Variants in CSMD3 observed in about 807,000 individuals in gnomAD.
The protein encoded by CSMD3 is CUB and sushi domain-containing protein 3.
Under a neutral mutation model 435.2 loss-of-function variants are expected in CSMD3, and 177 were observed. That is an observed-to-expected ratio of 0.41 (90% CI 0.36 to 0.46). The LOEUF is 0.46. Among genes scored for constraint, CSMD3 ranks in the 20% least tolerant of loss-of-function variants. The pLI is 0.34. For missense variants in CSMD3, 4,265 were observed against 4,504.6 expected (o/e 0.95, Z 1.52); for synonymous variants, 1,656 against 1,520.5 (o/e 1.09, Z -2.07).
chr8:113,125,816 A>T (rs1366310092), intron 4 of CSMD3, among the ~76,000 whole-genome samples: 1 of 151,922 alleles, frequency 6.6e-6, no homozygotes, highest in East Asian at 1.9e-4. Flanking sequence ...AAGTCTGATG[A>T]GAAGGAGAGG....
intron 6 of CSMD3, among the ~76,000 whole-genome samples, chr8:113,017,179 T>C (rs2086493733): frequency 6.6e-6 from 1 of 151,992 alleles, no homozygotes; most frequent in Non-Finnish European, 1.5e-5. Context: ...ACACATCTTT[T>C]CCATTTTACT....
intron 5 of CSMD3, among the ~76,000 whole-genome samples, chr8:113,083,657 A>G (rs2089649740): frequency 6.6e-6 from 1 of 152,202 alleles, no homozygotes; most frequent in Non-Finnish European, 1.5e-5. Flanking sequence ...CAAAACAATA[A>G]GAAAACAACA....
Position 112,237,262 on chromosome 8 carries a change from T to A in CSMD3, c.10555A>T (p.Thr3519Ser), listed in dbSNP as rs1318536134. 1 of 1,613,424 alleles carries A rather than the reference T, an allele frequency of 6.2e-7. No homozygotes were observed. Among genetic ancestry groups the A allele is most frequent in the East Asian group, 2.2e-5 (1 of 44,804 alleles). The change falls in exon 67 of 71, where the codon ACT becomes TCT. Residue 3519 changes from threonine (T) to serine (S), a missense_variant. Physicochemically the swap from Thr to Ser is moderately conservative, Grantham distance 58 (BLOSUM62 1). Coordinates refer to ENST00000297405, the MANE Select transcript of CSMD3 (RefSeq NM_198123.2). ...CTCCCAGTGGAAGCATTGAAACTAG[T>A]AACTGTTAAGGTCATGGGTTGTTTC... Reference protein sequence around the residue: ...GRKQPMTLTVTSFNASTGRVN... With the variant: ...GRKQPMTLTVSSFNASTGRVN...
intron 61 of CSMD3, among the ~76,000 whole-genome samples, chr8:112,261,085 A>G (rs1270797643): frequency 6.6e-6 from 1 of 152,100 alleles, no homozygotes. Flanking sequence ...ACTTGTTAAT[A>G]TCTCTCTGAA....
rs1026216709 is a variant in CSMD3 at position 112,608,151 on chromosome 8, T to C, written c.3716-20916A>G. Reference sequence around the variant, plus strand: ...CATATAAAAATTAGTTGTGTTTCCATATACTAACAATGAACTATTCAAAAA... The same window carrying C: ...CATATAAAAATTAGTTGTGTTTCCACATACTAACAATGAACTATTCAAAAA... On this transcript the variant is annotated intron_variant, in intron 22 of 70. Coordinates refer to ENST00000297405, the MANE Select transcript of CSMD3 (RefSeq NM_198123.2). Among the ~76,000 whole-genome samples the C allele has an allele frequency of 2.0e-5, 3 of 152,196 alleles. No individual in the cohort carries two copies. The East Asian group carries it at 5.8e-4, about 29-fold the overall frequency.
At chr8:112,409,881 T>A (rs1219866302) in intron 32 of CSMD3, among the ~76,000 whole-genome samples, 32 of 151,976 alleles carry the variant, frequency 2.1e-4, no homozygotes, top group Admixed American at 2.1e-3. Context: ...ACAAAACTTA[T>A]CCTTAAAATA....
At chr8:112,975,603 C>T (rs1001755825) in intron 7 of CSMD3, among the ~76,000 whole-genome samples, 2 of 151,654 alleles carry the variant, frequency 1.3e-5, no homozygotes, top group Non-Finnish European at 2.9e-5. Flanking sequence ...CTACTTTTAC[C>T]CCCTCCCCCT....
chr8:112,535,593 T>C (rs1262089821), intron 27 of CSMD3, among the ~76,000 whole-genome samples: 51 of 147,994 alleles, frequency 3.4e-4, no homozygotes, highest in East Asian at 7.9e-4. Flanking sequence ...ATGGCCATAG[T>C]GCCCAAGGTA....
intron 13 of CSMD3, among the ~76,000 whole-genome samples, chr8:112,771,418 A>T (rs753276029): frequency 6.6e-6 from 1 of 152,074 alleles, no homozygotes; most frequent in Non-Finnish European, 1.5e-5. Flanking sequence ...AAATACCTGT[A>T]ATTCCAGCTA....
chr8:113,133,342 C>T (rs999729548), intron 4 of CSMD3, among the ~76,000 whole-genome samples: 6 of 152,068 alleles, frequency 3.9e-5, no homozygotes, highest in African/African-American at 1.4e-4. Flanking sequence ...CAGAACAATA[C>T]AAATGAAAAC....
intron 5 of CSMD3, among the ~76,000 whole-genome samples, chr8:113,078,115 A>G (rs1193969769): frequency 6.6e-6 from 1 of 152,198 alleles, no homozygotes; most frequent in Non-Finnish European, 1.5e-5. Flanking sequence ...ATGCTGGCAT[A>G]AGATGCCATT....
intron 9 of CSMD3, among the ~76,000 whole-genome samples, chr8:112,937,377 G>T (rs1236158330): frequency 7.1e-6 from 1 of 140,838 alleles, no homozygotes; most frequent in East Asian, 2.2e-4. Context: ...TTGAGACAGA[G>T]TCTCTCTCTG....
chr8:112,223,497 G>C lies in CSMD3; in HGVS notation c.*1274C>G, dbSNP rs78936410. Reference sequence around the variant, plus strand: ...ATTAAATAAAAATGCTGGCATTACTGTATGATACAGTTTAAATGAGCCACC... The same window carrying C: ...ATTAAATAAAAATGCTGGCATTACTCTATGATACAGTTTAAATGAGCCACC... On this transcript the variant is annotated 3_prime_UTR_variant, in exon 71 of 71. Coordinates refer to ENST00000297405, the MANE Select transcript of CSMD3 (RefSeq NM_198123.2). The C allele has an allele frequency of 0.018, 2,811 of 158,468 alleles. 89 individuals are homozygous for C. Among genetic ancestry groups the C allele is most frequent in the African/African-American group, 0.063 (2,626 of 41,892 alleles). 9.8% of individuals were successfully genotyped at this position (158,468 alleles called of 1,614,324 possible). A position where few individuals can be genotyped will look rare whatever the true frequency, so the allele number is the denominator to read the frequency against.
intron 10 of CSMD3, among the ~76,000 whole-genome samples, chr8:112,920,384 G>A (rs1414218113): frequency 6.6e-6 from 1 of 151,636 alleles, no homozygotes; most frequent in African/African-American, 2.4e-5. Flanking sequence ...AGGTGAAGAA[G>A]GAGTATAATA....
chr8:112,440,266 T>C (rs761060641), intron 32 of CSMD3, among the ~76,000 whole-genome samples: 6 of 152,198 alleles, frequency 3.9e-5, no homozygotes, highest in Non-Finnish European at 8.8e-5. Flanking sequence ...TATTAAACTT[T>C]AGAGTTTCAA....
At chr8:112,389,042 G>A (rs1293874989) in intron 36 of CSMD3, among the ~76,000 whole-genome samples, 1 of 152,080 alleles carries the variant, frequency 6.6e-6, no homozygotes, top group Non-Finnish European at 1.5e-5. Context: ...AGGAGTCAGG[G>A]GAGGAACAGC....
At chr8:112,341,942 T>G (rs978353238) in intron 41 of CSMD3, among the ~76,000 whole-genome samples, 1 of 152,128 alleles carries the variant, frequency 6.6e-6, no homozygotes, top group Non-Finnish European at 1.5e-5. Context: ...ATAATGTCAC[T>G]GTATGAAAAA....
At chr8:112,800,376 A>G in intron 12 of CSMD3, 102 bp from the exon 13 acceptor site, 4 of 836,308 alleles carry the variant, frequency 4.8e-6, no homozygotes, top group Non-Finnish European at 8.2e-6. Flanking sequence ...TTTGCTAGAA[A>G]AAAAAGTCAG....
chr8:113,183,019 GT>G (rs1416629454), intron 3 of CSMD3, among the ~76,000 whole-genome samples: 1 of 152,002 alleles, frequency 6.6e-6, no homozygotes, highest in Non-Finnish European at 1.5e-5. Context: ...ATATTCCACA[GT>G]TAAAGAGCAT....
Sources: gnomAD v4.1 joint callset for allele counts (sites outside exome capture counted in the v4.1 genomes callset) on GRCh38, gnomAD v4.1.1 for gene constraint, MANE v1.5 for transcripts, NCBI Gene and HGNC (gene_info 2026-07-23, HGNC 2026-07-21) for gene names.